GRIK5: variants seen among roughly 807,000 people sequenced by gnomAD.
GRIK5 encodes glutamate receptor ionotropic, kainate 5.
In GRIK5, 43 loss-of-function variants were observed where a neutral mutation model predicts 97.4. That is an observed-to-expected ratio of 0.44 (90% CI 0.35 to 0.57). GRIK5 has a LOEUF of 0.57. GRIK5 is among the 20% of genes least tolerant of loss of function. The pLI, the probability that GRIK5 is intolerant of heterozygous loss-of-function variation, is 0.01. For synonymous variants in GRIK5, 580 were observed against 583.5 expected (o/e 0.99, Z 0.09); for missense variants, 1,015 against 1,382.0 (o/e 0.73, Z 4.21).
rs1206392486 is a variant in GRIK5, at chr19:41,999,045, G to T, written c.2769C>A (p.Ala923=). Residue 923 remains alanine, a synonymous_variant, in exon 20 of 20, where the codon GCC becomes GCA. Coordinates refer to ENST00000593562, the MANE Select transcript of GRIK5 (RefSeq NM_002088.5). The surrounding 1 kb of genome is among the most constrained non-coding windows in gnomAD (Gnocchi z 5.0). ...CGCGCACGTGGGTGCAGGGGGTGGG[G>T]GCGGCGGGTCGGGCTCCGCTGGGGG... ...PGPPSGARPA[A]PTPCTHVRVC... The T allele has an allele frequency of 8.1e-7, 1 of 1,238,292 alleles. No homozygotes were observed. The highest frequency in any genetic ancestry group is 3.5e-5 in the East Asian group (1 of 28,272). The allele number at this position is 1,238,292 out of a possible 1,614,324, so 76.7% of individuals were successfully genotyped here. A position where few individuals can be genotyped will look rare whatever the true frequency, so the allele number is the denominator to read the frequency against.
In GRIK5 at chr19:42,053,664, T is replaced by C; in HGVS notation, c.1207A>G (p.Thr403Ala). The change falls in exon 11 of 20, where the codon ACC (threonine) becomes GCC (alanine). Residue 403 changes from threonine to alanine, a missense_variant. By Grantham distance (58) the Thr-to-Ala change is moderately conservative. Transcript: ENST00000593562. ...GTCTGCGACAGGTTGATGTCCAGGG[T>C]GGTGGCATTCATGGCCAGGGTGCGG... ...SNRTLAMNAT[T>A]LDINLSQTLA... 6.2e-7 allele frequency: 1 copy of C among 1,613,674 alleles called. No homozygotes were observed.
chr19:42,062,436 T>G lies in GRIK5; in HGVS notation c.508+52A>C. 1 of 1,586,658 alleles carries G rather than the reference T, an allele frequency of 6.3e-7. No individual in the cohort carries two copies. The highest frequency in any genetic ancestry group is 8.6e-7 in the Non-Finnish European group (1 of 1,160,686). On this transcript the variant is annotated intron_variant, in intron 5 of 19. Transcript: ENST00000593562. This position sits in a 1 kb window ranked among gnomAD's most constrained non-coding sequence, Gnocchi z 5.3. ...CCACTGTGTGGGACACCAGATCTCT[T>G]GGGAAGGGGTGTCTGGGGGAACAGA...
Position 42,042,775 on chromosome 19 carries a change from C to T in GRIK5, c.1270-20G>A. 1 of 1,601,390 alleles carries T rather than the reference C, an allele frequency of 6.2e-7. No homozygotes were observed. The highest frequency in any genetic ancestry group is 8.5e-7 in the Non-Finnish European group (1 of 1,171,558). On this transcript the variant is annotated intron_variant, in intron 11 of 19. Transcript: ENST00000593562. The surrounding 1 kb of genome is among the most constrained non-coding windows in gnomAD (Gnocchi z 6.9). ...GTTCTCCTGGGTGGGCAGAAGAAAGCAGGGGTCAGAGGCTGGGTGTCTAGT... is the reference window on the plus strand; with the variant it reads ...GTTCTCCTGGGTGGGCAGAAGAAAGTAGGGGTCAGAGGCTGGGTGTCTAGT...
intron 15 of GRIK5, among the ~76,000 whole-genome samples, chr19:42,007,653 C>G (rs570619774): frequency 1.4e-4 from 21 of 151,970 alleles, no homozygotes; most frequent in African/African-American, 4.6e-4. Flanking sequence ...ACCGGTGGTC[C>G]CCTTGAGTCT....
In GRIK5 at chr19:42,056,669, C is replaced by G. The variant is rs751115089; in HGVS notation, c.896G>C (p.Gly299Ala). 4.3e-6 allele frequency: 7 copies of G among 1,613,798 alleles called. No homozygotes were observed. The South Asian group carries it at 6.6e-5, about 15-fold the overall frequency. The change falls in exon 8 of 20, where the codon GGC becomes GCC. Residue 299 changes from glycine to alanine, a missense_variant. By Grantham distance (60) the Gly-to-Ala change is moderately conservative (BLOSUM62 0). Transcript: ENST00000593562. ...GGGTATCTGTGTGCTCACCGCAGGG[C>G]CCAGGTAGGTGCTGGCTTCACAGTT... ...RENCEASTYLGPALSAALMFD... is the reference protein window; with the variant it reads ...RENCEASTYLAPALSAALMFD...
Position 42,062,238 on chromosome 19 carries a change from G to A in GRIK5, c.508+250C>T, listed in dbSNP as rs1358168463. Among the ~76,000 whole-genome samples, 1 of 152,114 alleles carries A rather than the reference G, an allele frequency of 6.6e-6. No homozygotes were observed. Among genetic ancestry groups the A allele is most frequent in the East Asian group, 1.9e-4 (1 of 5,172 alleles). On this transcript the variant is annotated intron_variant, in intron 5 of 19. Transcript: ENST00000593562. The surrounding 1 kb of genome is among the most constrained non-coding windows in gnomAD (Gnocchi z 5.3). ...GGAGTTCCAAGCACCCAGGGACCAC[G>A]CCCAGGGCCTAGCAGAGGGCCTTGA...
Position 41,999,080 on chromosome 19 carries a change from C to G in GRIK5, c.2734G>C (p.Asp912His). ...AHGGPQRLLDDPGPPSGARPA... is the reference protein window; with the variant it reads ...AHGGPQRLLDHPGPPSGARPA... ...CGGGCTCCGCTGGGGGGCCCCGGGTCGTCCAGGAGGCGCTGCGGGCCCCCG... is the reference window on the plus strand; with the variant it reads ...CGGGCTCCGCTGGGGGGCCCCGGGTGGTCCAGGAGGCGCTGCGGGCCCCCG... The change falls in exon 20 of 20, where the codon GAC becomes CAC. Residue 912 changes from aspartate (D) to histidine (H), a missense_variant. Coordinates refer to ENST00000593562, the MANE Select transcript of GRIK5 (RefSeq NM_002088.5). The surrounding 1 kb of genome is among the most constrained non-coding windows in gnomAD (Gnocchi z 5.0). 1 of 1,305,028 alleles carries G rather than the reference C, an allele frequency of 7.7e-7. No homozygotes were observed. The highest frequency in any genetic ancestry group is 9.7e-7 in the Non-Finnish European group (1 of 1,032,796). 80.8% of individuals were successfully genotyped at this position (1,305,028 alleles called of 1,614,324 possible).
rs2075453854 is a variant in GRIK5, at chr19:42,003,762, A to G, written c.2264-79T>C. 1 of 1,428,666 alleles carries G rather than the reference A, an allele frequency of 7.0e-7. No individual in the cohort carries two copies. Among genetic ancestry groups the G allele is most frequent in the Admixed American group, 2.7e-5 (1 of 36,500 alleles). 88.5% of individuals were successfully genotyped at this position (1,428,666 alleles called of 1,614,324 possible). On this transcript the variant is annotated intron_variant, in intron 17 of 19. Transcript: ENST00000593562. This position sits in a 1 kb window ranked among gnomAD's most constrained non-coding sequence, Gnocchi z 4.2. ...GCCCCAAACCCCAAACTGTGCCCTC[A>G]CCACGGCCTTCCCCCGCCTCTACCA... is the stretch of plus-strand genomic sequence containing the variant.
At chr19:42,068,957 C>T in intron 1 of GRIK5, 1 of 612,094 alleles carries the variant, frequency 1.6e-6, no homozygotes, top group Non-Finnish European at 3.0e-6. Context: ...TGCCAGGGGC[C>T]CGGGGTAAGT....
At position 42,070,206 on chromosome 19, in the gene GRIK5, T is replaced by G. The variant is rs375386356; in HGVS notation, c.-1016A>C. Among the ~76,000 whole-genome samples the G allele has an allele frequency of 2.1e-5, 3 of 145,476 alleles. No homozygotes were observed. Among genetic ancestry groups the G allele is most frequent in the East Asian group, 2.1e-4 (1 of 4,796 alleles). On this transcript the variant is annotated 5_prime_UTR_variant, in exon 1 of 20. Transcript: ENST00000593562. The stretch of plus-strand genomic sequence containing the variant: ...GCCTGCGCTGGGTCCTGGAGCGCAG[T>G]GGGGTGGTTCAGGAGAGAGAGAAGA...
rs1283948007 is a variant in GRIK5, at chr19:42,003,142, C to T, written c.2514+190G>A. On this transcript the variant is annotated intron_variant, in intron 19 of 19. Coordinates refer to ENST00000593562, the MANE Select transcript of GRIK5 (RefSeq NM_002088.5). The surrounding 1 kb of genome is among the most constrained non-coding windows in gnomAD (Gnocchi z 4.2). ...TCATTGCTCCCTGTGCCTACTTTCC[C>T]TCCTGTTCTTCCTCACGCGCTGATT... 1.3e-5 allele frequency among the ~76,000 whole-genome samples: 2 copies of T among 152,184 alleles called. No individual in the cohort carries two copies. Among genetic ancestry groups the T allele is most frequent in the Non-Finnish European group, 2.9e-5 (2 of 68,010 alleles).
At chr19:42,067,358 C>A (rs1414542772) in intron 1 of GRIK5, among the ~76,000 whole-genome samples, 1 of 152,238 alleles carries the variant, frequency 6.6e-6, no homozygotes, top group Admixed American at 6.5e-5. Context: ...TGATCTTGAG[C>A]AAGTCACTGC....
chr19:42,054,038 G>A (rs1452317966), intron 9 of GRIK5, 109 bp from the exon 10 acceptor site: 3 of 744,646 alleles, frequency 4.0e-6, no homozygotes, highest in Non-Finnish European at 7.0e-6. Flanking sequence ...ACAGACCGGG[G>A]TGGAGGGGAC....
In GRIK5 at chr19:42,065,257, C is replaced by G. The variant is rs770145788; in HGVS notation, c.210G>C (p.Leu70=). The G allele has an allele frequency of 4.8e-5, 77 of 1,612,930 alleles. No individual in the cohort carries two copies. Among genetic ancestry groups the G allele is most frequent in the Non-Finnish European group, 6.4e-5 (75 of 1,179,688 alleles). ...KARVEVDIFE[L]QRDSQYETTD... is the part of the protein sequence containing the mutation. The stretch of plus-strand genomic sequence containing the variant: ...TGGTCTCGTACTGGCTGTCCCGCTG[C>G]AGCTCAAAGATGTCTACTTCCACTC... The change falls in exon 3 of 20, where the codon CTG becomes CTC. Residue 70 remains leucine (L), a synonymous_variant. Transcript: ENST00000593562. This position sits in a 1 kb window ranked among gnomAD's most constrained non-coding sequence, Gnocchi z 5.8.
intron 11 of GRIK5, among the ~76,000 whole-genome samples, chr19:42,048,877 A>G (rs577161888): frequency 6.6e-6 from 1 of 152,120 alleles, no homozygotes; most frequent in African/African-American, 2.4e-5. Flanking sequence ...TGTCAATTAA[A>G]AAAAATTGTT....
intron 15 of GRIK5, among the ~76,000 whole-genome samples, chr19:42,017,495 A>G (rs959341843): frequency 1.3e-4 from 20 of 152,186 alleles, no homozygotes; most frequent in Non-Finnish European, 2.5e-4. Context: ...TATTTGTTAT[A>G]AAAAGAGGGT....
At chr19:42,053,470 G>A in intron 11 of GRIK5, 132 bp downstream of exon 11, 1 of 629,964 alleles carries the variant, frequency 1.6e-6, no homozygotes, top group Non-Finnish European at 2.8e-6. Flanking sequence ...ACCTGGAGTT[G>A]CTGCGTGCAG....
chr19:42,051,184 T>G (rs1382557417), intron 11 of GRIK5, among the ~76,000 whole-genome samples: 1 of 152,092 alleles, frequency 6.6e-6, no homozygotes. Flanking sequence ...TCTCCAAGAC[T>G]GGGGCGAGAC....
Position 42,056,836 on chromosome 19 carries a change from A to G in GRIK5, c.742-13T>C. ...GGATGGGGAAGTCCTGGGACCAGGA[A>G]GAGGTGGTGAGGCCTGGGGCTAAGC... On this transcript the variant is annotated splice_polypyrimidine_tract_variant and intron_variant, in intron 7 of 19. Coordinates refer to ENST00000593562, the MANE Select transcript of GRIK5 (RefSeq NM_002088.5). The G allele has an allele frequency of 6.2e-7, 1 of 1,614,056 alleles. No individual in the cohort carries two copies.
Sources: allele counts gnomAD v4.1 joint callset (sites outside exome capture counted in the v4.1 genomes callset), GRCh38; gene constraint gnomAD v4.1.1; non-coding constraint Gnocchi (gnomAD v3.1); transcripts MANE v1.5; gene names NCBI Gene and HGNC (gene_info 2026-07-23, HGNC 2026-07-21).